ST6GALNAC5: variants seen among roughly 807,000 people sequenced by gnomAD.
The protein encoded by ST6GALNAC5 is alpha-N-acetylgalactosaminide alpha-2,6-sialyltransferase 5.
In ST6GALNAC5, 27 loss-of-function variants were observed where a neutral mutation model predicts 33.6. The ratio of observed to expected loss-of-function variants is 0.80; its 90% confidence interval spans 0.59 to 1.11. The LOEUF is 1.11. Among genes scored for constraint, ST6GALNAC5 ranks in the 50% least tolerant of loss-of-function variants. The pLI, the probability that ST6GALNAC5 is intolerant of heterozygous loss-of-function variation, is 0.00. For missense variants in ST6GALNAC5, 428 were observed against 454.0 expected (o/e 0.94, Z 0.52); for synonymous variants, 194 against 171.2 (o/e 1.13, Z -1.04).
At chr1:77,043,701 A>G (rs1651907938) in intron 2 of ST6GALNAC5, among the ~76,000 whole-genome samples, 1 of 152,224 alleles carries the variant, frequency 6.6e-6, no homozygotes, top group South Asian at 2.1e-4. Flanking sequence ...AACTTTCAAT[A>G]AGGTGAGTTA....
chr1:76,992,802 T>G (rs1370560978), intron 2 of ST6GALNAC5, among the ~76,000 whole-genome samples: 2 of 152,168 alleles, frequency 1.3e-5, no homozygotes, highest in Admixed American at 6.5e-5. Flanking sequence ...TAAATAATAA[T>G]AAGAAAACTC....
chr1:77,014,500 G>C (rs1461581108), intron 2 of ST6GALNAC5, among the ~76,000 whole-genome samples: 2 of 152,196 alleles, frequency 1.3e-5, no homozygotes, highest in African/African-American at 2.4e-5. Flanking sequence ...GGCTTAGAAT[G>C]ATCCAAGCAG....
intron 2 of ST6GALNAC5, among the ~76,000 whole-genome samples, chr1:77,040,610 A>G (rs1651800591): frequency 6.6e-6 from 1 of 152,198 alleles, no homozygotes; most frequent in African/African-American, 2.4e-5. Flanking sequence ...CCCTAAGGCG[A>G]TGTGTTTCAC....
intron 2 of ST6GALNAC5, among the ~76,000 whole-genome samples, chr1:76,945,452 T>C (rs1171281963): frequency 6.6e-6 from 1 of 152,068 alleles, no homozygotes; most frequent in Non-Finnish European, 1.5e-5. Flanking sequence ...AAGTCATAAA[T>C]CATCCCCCTC....
chr1:76,906,652 CA>C (rs1369118678), intron 2 of ST6GALNAC5, among the ~76,000 whole-genome samples: 1 of 152,040 alleles, frequency 6.6e-6, no homozygotes, highest in Non-Finnish European at 1.5e-5. Context: ...AGGGTATAAA[CA>C]GAAAGTTCTC....
At chr1:77,054,836 A>C (rs1172016387) in intron 4 of ST6GALNAC5, among the ~76,000 whole-genome samples, 1 of 151,994 alleles carries the variant, frequency 6.6e-6, no homozygotes, top group Non-Finnish European at 1.5e-5. Context: ...TACCCCCTAA[A>C]AGTATTAAGC....
At chr1:76,910,337 T>A (rs2100278656) in intron 2 of ST6GALNAC5, among the ~76,000 whole-genome samples, 1 of 152,204 alleles carries the variant, frequency 6.6e-6, no homozygotes, top group East Asian at 1.9e-4. Flanking sequence ...GGTGGTGATA[T>A]GCAGTGTCAC....
intron 2 of ST6GALNAC5, among the ~76,000 whole-genome samples, chr1:76,964,676 G>A (rs768509809): frequency 2.6e-5 from 4 of 152,092 alleles, no homozygotes; most frequent in Non-Finnish European, 4.4e-5. Context: ...TGTTACACAG[G>A]TATACATGTG....
intron 3 of ST6GALNAC5, among the ~76,000 whole-genome samples, chr1:77,046,510 C>T (rs1190458786): frequency 6.6e-6 from 1 of 152,176 alleles, no homozygotes; most frequent in Non-Finnish European, 1.5e-5. Flanking sequence ...CTGTGGCCTT[C>T]CTCACTGGAA....
In ST6GALNAC5 at chr1:76,870,502, G is replaced by A. The variant is rs1441807521; in HGVS notation, c.261+1760G>A. ...CAGACACCAGCTAAGAATATTGAGA[G>A]CTTAATGCAAAGTATAATAACCTAA... On this transcript the variant is annotated intron_variant, in intron 2 of 4. Transcript: ENST00000477717. Among the ~76,000 whole-genome samples, 6 of 152,282 alleles carry A rather than the reference G, an allele frequency of 3.9e-5. No individual in the cohort carries two copies. The East Asian group carries it at 1.2e-3, about 29-fold the overall frequency.
At chr1:77,032,608 A>G (rs1238676024) in intron 2 of ST6GALNAC5, among the ~76,000 whole-genome samples, 1 of 152,148 alleles carries the variant, frequency 6.6e-6, no homozygotes, top group Non-Finnish European at 1.5e-5. Flanking sequence ...AGTGTCTACC[A>G]TAGTCATTCT....
chr1:77,006,743 A>G (rs969863039), intron 2 of ST6GALNAC5, among the ~76,000 whole-genome samples: 1 of 152,186 alleles, frequency 6.6e-6, no homozygotes, highest in African/African-American at 2.4e-5. Context: ...GTAGCTTACA[A>G]CAACAACCAT....
intron 2 of ST6GALNAC5, among the ~76,000 whole-genome samples, chr1:76,934,128 G>T (rs188059701): frequency 6.6e-6 from 1 of 152,098 alleles, no homozygotes; most frequent in East Asian, 1.9e-4. Context: ...TGAGTGACAG[G>T]CTCCCTTTGG....
chr1:76,945,921 G>A (rs986634842), intron 2 of ST6GALNAC5, among the ~76,000 whole-genome samples: 2 of 151,992 alleles, frequency 1.3e-5, no homozygotes, highest in Non-Finnish European at 2.9e-5. Flanking sequence ...TGTTGTTGTT[G>A]GGTTTTCTTT....
chr1:77,051,681 C>T (rs911373164), intron 4 of ST6GALNAC5, among the ~76,000 whole-genome samples: 6 of 152,176 alleles, frequency 3.9e-5, no homozygotes, highest in Non-Finnish European at 7.3e-5. Context: ...TGCTGCCTCA[C>T]TTAATTCACT....
At chr1:76,985,382 C>T (rs1314727636) in intron 2 of ST6GALNAC5, among the ~76,000 whole-genome samples, 1 of 152,038 alleles carries the variant, frequency 6.6e-6, no homozygotes, top group Non-Finnish European at 1.5e-5. Context: ...AAACAGAGAG[C>T]CAAATCATGA....
chr1:77,056,606 A>C (rs1456849084), intron 4 of ST6GALNAC5, among the ~76,000 whole-genome samples: 1 of 152,222 alleles, frequency 6.6e-6, no homozygotes, highest in East Asian at 1.9e-4. Context: ...CTGCCAGCCT[A>C]ACAGGGAAAG....
chr1:76,970,374 G>C (rs955710945), intron 2 of ST6GALNAC5, among the ~76,000 whole-genome samples: 1 of 151,848 alleles, frequency 6.6e-6, no homozygotes, highest in Non-Finnish European at 1.5e-5. Flanking sequence ...ACCTGATGGA[G>C]CTGAAAACCA....
intron 2 of ST6GALNAC5, among the ~76,000 whole-genome samples, chr1:76,899,996 G>A (rs2100263955): frequency 6.6e-6 from 1 of 152,346 alleles, no homozygotes; most frequent in South Asian, 2.1e-4. Flanking sequence ...TCTGTGTGAA[G>A]AGACCACCAA....
Sources: gnomAD v4.1 joint callset for allele counts (sites outside exome capture counted in the v4.1 genomes callset) on GRCh38, gnomAD v4.1.1 for gene constraint, MANE v1.5 for transcripts, NCBI Gene and HGNC (gene_info 2026-07-23, HGNC 2026-07-21) for gene names.